TMEM184C: variants seen among roughly 807,000 people sequenced by gnomAD.
TMEM184C encodes the protein transmembrane protein 184C.
TMEM184C carries 25 observed loss-of-function variants against 54.5 expected under a neutral mutation model. The observed-to-expected ratio is 0.46, with a 90% CI of 0.33 to 0.64. The LOEUF is 0.64. Ranked by LOEUF, TMEM184C falls within the 30% of genes least tolerant of loss-of-function variation. The probability of loss-of-function intolerance (pLI) is 0.02; values close to 1 mark genes in which losing one functional copy is unlikely to be tolerated. For synonymous variants in TMEM184C, 148 were observed against 181.5 expected, an observed-to-expected ratio of 0.82 and a Z score of 1.49; for missense variants, 335 against 520.3, an observed-to-expected ratio of 0.64 and a Z score of 3.46.
chr4:147,631,283 GA>G, intron 6 of TMEM184C, 109 bp from the exon 7 acceptor site: 2 of 725,626 alleles, frequency 2.8e-6, no homozygotes, highest in Non-Finnish European at 4.4e-6. Context: ...ATAAAGCCTA[GA>G]AAAGTTTGCC....
At chr4:147,631,846 A>C (rs373733494) in intron 7 of TMEM184C, among the ~76,000 whole-genome samples, 9 of 152,300 alleles carry the variant, frequency 5.9e-5, no homozygotes, top group African/African-American at 2.2e-4. Context: ...ATAATCAGTA[A>C]ATCTTTTTAA....
intron 5 of TMEM184C, among the ~76,000 whole-genome samples, chr4:147,628,802 A>T (rs574937854): frequency 1.3e-5 from 2 of 152,214 alleles, no homozygotes; most frequent in Non-Finnish European, 2.9e-5. Flanking sequence ...AATTTAGAAT[A>T]TATTAGAAGT....
intron 4 of TMEM184C, among the ~76,000 whole-genome samples, chr4:147,626,254 G>A (rs1732813748): frequency 6.6e-6 from 1 of 152,170 alleles, no homozygotes; most frequent in Admixed American, 6.5e-5. Context: ...CAGGCAAGGA[G>A]GTTTGCTTTG....
At position 147,634,461 on chromosome 4, in the gene TMEM184C, C is replaced by A. The variant is rs1423709052; in HGVS notation, c.*27C>A. The A allele has an allele frequency of 6.2e-7, 1 of 1,605,684 alleles. No individual in the cohort carries two copies. Among genetic ancestry groups the A allele is most frequent in the East Asian group, 2.2e-5 (1 of 44,804 alleles). ...CAGTATGGAAAAGCAAACTGTGCAACTACTACATTATATCATTACCTGGTA... is the reference window on the plus strand; with the variant it reads ...CAGTATGGAAAAGCAAACTGTGCAAATACTACATTATATCATTACCTGGTA... On this transcript the variant is annotated 3_prime_UTR_variant, in exon 10 of 10. Transcript: ENST00000296582.
At chr4:147,619,320 C>T (rs1732661821) in intron 1 of TMEM184C, among the ~76,000 whole-genome samples, 1 of 152,162 alleles carries the variant, frequency 6.6e-6, no homozygotes, top group Non-Finnish European at 1.5e-5. Flanking sequence ...GCCTCAGCCT[C>T]CCAAGTAGCT....
In TMEM184C at chr4:147,618,086, G is replaced by A. The variant is rs1732632145; in HGVS notation, c.123+7G>A. ...GGAATTACAGAAACTGGAGGTAAGA[G>A]GGTTCTGCACCATCAGCCTGTACAC... On this transcript the variant is annotated splice_region_variant and intron_variant, in intron 1 of 9. Coordinates refer to ENST00000296582, the MANE Select transcript of TMEM184C (RefSeq NM_018241.3). 1.2e-6 allele frequency: 2 copies of A among 1,614,020 alleles called. No homozygotes were observed. Among genetic ancestry groups the A allele is most frequent in the Non-Finnish European group, 1.7e-6 (2 of 1,179,948 alleles).
intron 6 of TMEM184C, 66 bp downstream of exon 6, chr4:147,629,758 CA>C: frequency 1.8e-6 from 2 of 1,120,782 alleles, no homozygotes; most frequent in Non-Finnish European, 2.5e-6. Context: ...TTTCTTTAGA[CA>C]AAGTTTCTTC....
At chr4:147,631,585 T>C (rs774595483) in intron 7 of TMEM184C, 80 bp downstream of exon 7, 18 of 972,936 alleles carry the variant, frequency 1.9e-5, no homozygotes, top group Non-Finnish European at 2.7e-5. Context: ...TTTTAAACAG[T>C]CTTAATGCGG....
In TMEM184C at chr4:147,631,514, T is replaced by C. The variant is rs371198325; in HGVS notation, c.779+9T>C. 1.3e-6 allele frequency: 2 copies of C among 1,590,694 alleles called. No individual in the cohort carries two copies. The highest frequency in any genetic ancestry group is 1.7e-4 in the Middle Eastern group (1 of 6,018). On this transcript the variant is annotated intron_variant, in intron 7 of 9. Coordinates refer to ENST00000296582, the MANE Select transcript of TMEM184C (RefSeq NM_018241.3). ...GTTTTTGTTTCTTTTTGGTAAGTGT[T>C]ACTTTTTTTTAAATGTTCTCATTTT...
rs1219459684 is a variant in TMEM184C, at chr4:147,634,762, T to TGTCAC, written c.*329_*333dup. ...TTTTGAGACAGACAGAGTCTTGCTCTGTCACCCAGGCTGGAGTGCAGTGGC... is the reference window on the plus strand; with the variant it reads ...TTTTGAGACAGACAGAGTCTTGCTCTGTCACGTCACCCAGGCTGGAGTGCAGTGGC... On this transcript the variant is annotated 3_prime_UTR_variant, in exon 10 of 10. Transcript: ENST00000296582. The TGTCAC allele has an allele frequency of 5.2e-6, 1 of 194,100 alleles. No homozygotes were observed. The highest frequency in any genetic ancestry group is 1.1e-5 in the Non-Finnish European group (1 of 95,102). The allele number at this position is 194,100 out of a possible 1,614,324, so 12.0% of individuals were successfully genotyped here. A position where few individuals can be genotyped will look rare whatever the true frequency, so the allele number is the denominator to read the frequency against.
At chr4:147,621,701 G>A (rs1176455482) in intron 1 of TMEM184C, among the ~76,000 whole-genome samples, 3 of 152,088 alleles carry the variant, frequency 2.0e-5, no homozygotes, top group South Asian at 2.1e-4. Context: ...AATGTGGAGA[G>A]ATGATGTTTT....
At chr4:147,627,549 C>T (rs942679112) in intron 4 of TMEM184C, among the ~76,000 whole-genome samples, 2 of 152,196 alleles carry the variant, frequency 1.3e-5, no homozygotes, top group Non-Finnish European at 2.9e-5. Context: ...GGATTACAGG[C>T]GTGAGGATGG....
chr4:147,625,084 T>C (rs1578858776), intron 4 of TMEM184C, 75 bp downstream of exon 4: 1 of 1,401,386 alleles, frequency 7.1e-7, no homozygotes, highest in Non-Finnish European at 1.0e-6. Context: ...CAATCAGCTC[T>C]TTACAAGGCA....
At chr4:147,622,087 T>TGATC (rs2126547690) in intron 1 of TMEM184C, among the ~76,000 whole-genome samples, 1 of 150,928 alleles carries the variant, frequency 6.6e-6, no homozygotes, top group African/African-American at 2.4e-5. Flanking sequence ...TGGGCTCAAG[T>TGATC]GATCCTCTGG....
intron 1 of TMEM184C, among the ~76,000 whole-genome samples, chr4:147,620,910 G>A (rs765178937): frequency 1.6e-4 from 24 of 152,198 alleles, no homozygotes; most frequent in Non-Finnish European, 3.2e-4. Flanking sequence ...GATATGAGCT[G>A]CAGATACAAA....
chr4:147,623,736 C>T (rs1578858071), intron 1 of TMEM184C, 98 bp from the exon 2 acceptor site: 1 of 1,237,712 alleles, frequency 8.1e-7, no homozygotes, highest in East Asian at 2.4e-5. Context: ...CCTCGGCCTC[C>T]CCAAGTGCTA....
intron 6 of TMEM184C, among the ~76,000 whole-genome samples, chr4:147,630,163 A>G (rs1732890701): frequency 6.6e-6 from 1 of 152,190 alleles, no homozygotes; most frequent in African/African-American, 2.4e-5. Context: ...GAGAATGCCA[A>G]GTTTAAAAAA....
At chr4:147,624,603 AAT>A (rs1732776573) in intron 3 of TMEM184C, among the ~76,000 whole-genome samples, 199 bp from the exon 4 acceptor site, 1 of 152,182 alleles carries the variant, frequency 6.6e-6, no homozygotes, top group Admixed American at 6.5e-5. Context: ...TTTGTTTACC[AAT>A]ATCTAAGATG....
At chr4:147,621,799 G>A (rs1232976989) in intron 1 of TMEM184C, among the ~76,000 whole-genome samples, 1 of 152,038 alleles carries the variant, frequency 6.6e-6, no homozygotes, top group East Asian at 1.9e-4. Context: ...CAAGTCTCTA[G>A]TCACTTGTTT....
Sources: allele counts gnomAD v4.1 joint callset (sites outside exome capture counted in the v4.1 genomes callset), GRCh38; gene constraint gnomAD v4.1.1; transcripts MANE v1.5; gene names NCBI Gene and HGNC (gene_info 2026-07-23, HGNC 2026-07-21).